PDE4D: variants seen among roughly 807,000 people sequenced by gnomAD.
PDE4D encodes phosphodiesterase 4D.
PDE4D carries 24 observed loss-of-function variants against 87.4 expected under a neutral mutation model. The ratio of observed to expected loss-of-function variants is 0.27; its 90% CI spans 0.20 to 0.39. The LOEUF is 0.39. Among genes scored for constraint, PDE4D ranks in the 10% least tolerant of loss-of-function variants. PDE4D has a pLI of 1.00. For synonymous variants in PDE4D, 384 were observed against 383.2 expected (o/e 1.00, Z -0.02); for missense variants, 714 against 1,041.0 (o/e 0.69, Z 4.32).
At chr5:59,395,088 G>A (rs13154828) in intron 1 of PDE4D, among the ~76,000 whole-genome samples, 84,646 of 151,582 alleles carry the variant, frequency 0.56, 23,899 homozygotes, top group East Asian at 0.68. Context: ...CCTACCCCAC[G>A]GAGTCTCGCT....
In PDE4D at chr5:60,416,519, G is replaced by A. The variant is rs374326636; in HGVS notation, c.-90+71423C>T. Among the ~76,000 whole-genome samples, 12 of 152,134 alleles carry A rather than the reference G, an allele frequency of 7.9e-5. No individual in the cohort carries two copies. In the South Asian group the frequency reaches 1.2e-3, roughly 16 times the overall value. ...AACAACTCCAGACACCCTGACTTAA[G>A]AGCTGTAACACTCACCGCGAAGGTC... On this transcript the variant is annotated intron_variant, in intron 1 of 16. Transcript: ENST00000502484.
chr5:59,056,352 G>A (rs986979627), intron 5 of PDE4D, among the ~76,000 whole-genome samples: 2 of 152,140 alleles, frequency 1.3e-5, no homozygotes, highest in Admixed American at 6.6e-5. Flanking sequence ...GAAAGAAGGG[G>A]CTTGAGTGTC....
chr5:59,107,233 C>A, intron 5 of PDE4D, among the ~76,000 whole-genome samples: 1 of 151,750 alleles, frequency 6.6e-6, no homozygotes, highest in Admixed American at 6.6e-5. Context: ...TTTGTTTGAG[C>A]TGGAGTCTTG....
intron 2 of PDE4D, among the ~76,000 whole-genome samples, chr5:60,060,772 T>C (rs1162239914): frequency 2.0e-5 from 3 of 152,054 alleles, no homozygotes; most frequent in Admixed American, 2.0e-4. Flanking sequence ...TCCTTGAACT[T>C]TGGGGGTAGG....
At chr5:59,511,671 T>C (rs954214894) in intron 1 of PDE4D, among the ~76,000 whole-genome samples, 11 of 152,020 alleles carry the variant, frequency 7.2e-5, no homozygotes, top group African/African-American at 2.4e-4. Flanking sequence ...AGAGTAGCTA[T>C]GTTGCTTTTT....
chr5:60,378,272 C>T (rs1006843453), intron 1 of PDE4D, among the ~76,000 whole-genome samples: 3 of 151,802 alleles, frequency 2.0e-5, no homozygotes, highest in African/African-American at 7.3e-5. Context: ...GTTGATCAAA[C>T]TTCATCTTCT....
intron 1 of PDE4D, among the ~76,000 whole-genome samples, chr5:59,407,207 T>TAAA (rs1323441961): frequency 2.0e-5 from 3 of 152,186 alleles, no homozygotes; most frequent in Non-Finnish European, 4.4e-5. Flanking sequence ...TCTCTTTGTT[T>TAAA]AAAGGTGTGT....
intron 1 of PDE4D, among the ~76,000 whole-genome samples, chr5:59,842,627 A>C (rs1202179674): frequency 6.6e-6 from 1 of 152,104 alleles, no homozygotes; most frequent in East Asian, 1.9e-4. Context: ...TCATAAAGAT[A>C]AATTTAATTT....
chr5:60,101,497 T>C (rs984411661), intron 2 of PDE4D, among the ~76,000 whole-genome samples: 4 of 152,098 alleles, frequency 2.6e-5, no homozygotes, highest in Non-Finnish European at 5.9e-5. Context: ...AGTGCGAAGG[T>C]AAACGAGTGA....
intron 1 of PDE4D, among the ~76,000 whole-genome samples, chr5:59,811,759 A>G (rs1308080706): frequency 2.0e-5 from 3 of 152,242 alleles, no homozygotes; most frequent in Non-Finnish European, 4.4e-5. Context: ...ATCTAGGCAC[A>G]TGCTCCTAGG....
At chr5:59,419,944 A>G (rs1794212966) in intron 1 of PDE4D, among the ~76,000 whole-genome samples, 1 of 152,208 alleles carries the variant, frequency 6.6e-6, no homozygotes, top group Non-Finnish European at 1.5e-5. Context: ...TGAGATGGGA[A>G]GAGTGGTAGA....
chr5:59,562,627 C>A (rs567714350), intron 1 of PDE4D, among the ~76,000 whole-genome samples: 27 of 152,278 alleles, frequency 1.8e-4, no homozygotes, highest in African/African-American at 6.5e-4. Context: ...TTGTCACTCA[C>A]AATTATTTCA....
intron 1 of PDE4D, among the ~76,000 whole-genome samples, chr5:59,502,966 C>T (rs1340296465): frequency 6.8e-6 from 1 of 147,414 alleles, no homozygotes; most frequent in Non-Finnish European, 1.5e-5. Context: ...GAGTTGATCT[C>T]AATTTTTAAA....
At chr5:59,687,593 A>C (rs897412629) in intron 1 of PDE4D, among the ~76,000 whole-genome samples, 2 of 152,226 alleles carry the variant, frequency 1.3e-5, no homozygotes, top group Non-Finnish European at 2.9e-5. Flanking sequence ...AGGAACAACC[A>C]GTACCAACCA....
intron 1 of PDE4D, among the ~76,000 whole-genome samples, chr5:59,524,273 T>C (rs1488685332): frequency 6.6e-6 from 1 of 152,192 alleles, no homozygotes; most frequent in Non-Finnish European, 1.5e-5. Flanking sequence ...TCTGAGAAAC[T>C]TGTTGAATGG....
chr5:60,108,735 A>G (rs1266477197), intron 2 of PDE4D, among the ~76,000 whole-genome samples: 1 of 152,264 alleles, frequency 6.6e-6, no homozygotes, highest in East Asian at 1.9e-4. Flanking sequence ...TCTTTGACAA[A>G]CCTGAGAAAA....
intron 1 of PDE4D, among the ~76,000 whole-genome samples, chr5:59,807,438 T>G (rs1283423639): frequency 6.6e-6 from 1 of 152,102 alleles, no homozygotes; most frequent in Non-Finnish European, 1.5e-5. Flanking sequence ...TGGGGGTGGC[T>G]ACATATGTAG....
At chr5:59,692,827 C>T (rs1470055185) in intron 1 of PDE4D, among the ~76,000 whole-genome samples, 1 of 152,116 alleles carries the variant, frequency 6.6e-6, no homozygotes, top group Admixed American at 6.6e-5. Context: ...TGACCTTAGG[C>T]AAATGGCTTA....
At chr5:60,189,790 T>C (rs779917823) in intron 1 of PDE4D, among the ~76,000 whole-genome samples, 12 of 152,248 alleles carry the variant, frequency 7.9e-5, no homozygotes, top group Non-Finnish European at 1.6e-4. Flanking sequence ...AAAAAGTTTA[T>C]TGAGCACCTT....
Sources: gnomAD v4.1 joint callset for allele counts (sites outside exome capture counted in the v4.1 genomes callset) on GRCh38, gnomAD v4.1.1 for gene constraint, MANE v1.5 for transcripts, NCBI Gene and HGNC (gene_info 2026-07-23, HGNC 2026-07-21) for gene names.